SHB: variants seen among roughly 807,000 people sequenced by gnomAD.
SHB encodes the protein SH2 domain-containing adapter protein B.
SHB carries 20 observed loss-of-function variants against 52.3 expected under a neutral mutation model. That is an observed-to-expected ratio of 0.38 (90% confidence interval 0.27 to 0.56). The LOEUF (loss-of-function observed/expected upper bound fraction) is 0.56. SHB is among the 20% of genes least tolerant of loss of function. The pLI is 0.71. For missense variants in SHB, 825 were observed against 723.3 expected (o/e 1.14, Z -1.61); for synonymous variants, 397 against 316.5 (o/e 1.25, Z -2.70).
At chr9:37,932,662 A>G (rs1832327116) in intron 5 of SHB, among the ~76,000 whole-genome samples, 1 of 151,972 alleles carries the variant, frequency 6.6e-6, no homozygotes, top group South Asian at 2.1e-4. Context: ...CCCAGGCTGG[A>G]GAGCAGTGGT....
rs373553894 is a variant in SHB, at chr9:38,015,496, G to C, written c.838+515C>G. The C allele has an allele frequency of 3.5e-4, 246 of 701,084 alleles. 2 individuals are homozygous for C. The highest frequency in any genetic ancestry group is 3.4e-3 in the South Asian group (228 of 66,946). 43.4% of individuals were successfully genotyped at this position (701,084 alleles called of 1,614,324 possible). Reference sequence around the variant, plus strand: ...TCCTGTAAACCTGTCATGTAGACCAGGGTTATTTATGCTGCTTCCAGCTCC... The same window carrying C: ...TCCTGTAAACCTGTCATGTAGACCACGGTTATTTATGCTGCTTCCAGCTCC... On this transcript the variant is annotated intron_variant, in intron 2 of 5. Transcript: ENST00000377707.
chr9:38,043,956 G>A (rs934920786), intron 1 of SHB, among the ~76,000 whole-genome samples: 1 of 152,202 alleles, frequency 6.6e-6, no homozygotes, highest in African/African-American at 2.4e-5. Context: ...AGAAAGCTCA[G>A]GGCCAGGCCT....
intron 1 of SHB, among the ~76,000 whole-genome samples, chr9:38,038,908 A>T (rs1035599675): frequency 9.9e-5 from 15 of 152,240 alleles, no homozygotes; most frequent in Non-Finnish European, 1.6e-4. Flanking sequence ...TGTGCCAAAG[A>T]GAACAAAGGC....
chr9:37,990,249 G>A (rs928015629), intron 2 of SHB, among the ~76,000 whole-genome samples: 3 of 151,996 alleles, frequency 2.0e-5, no homozygotes, highest in Non-Finnish European at 2.9e-5. Flanking sequence ...AACTGTCAAG[G>A]GTGTTGGAGG....
chr9:37,929,815 A>G (rs1385546313), intron 5 of SHB, among the ~76,000 whole-genome samples: 1 of 152,226 alleles, frequency 6.6e-6, no homozygotes, highest in African/African-American at 2.4e-5. Context: ...ATGAAAAGAG[A>G]AAAGGAAGCT....
chr9:37,948,757 G>A lies in SHB; in HGVS notation c.1227-3C>T. On this transcript the variant is annotated splice_region_variant and splice_polypyrimidine_tract_variant and intron_variant, in intron 4 of 5. Transcript: ENST00000377707. ...TGCTGATGGCTCCGTGATACCATCT[G>A]TGGAGAGGGCAGAGAGTGGTCAGAG... 1.2e-6 allele frequency: 2 copies of A among 1,613,700 alleles called. No individual in the cohort carries two copies. The highest frequency in any genetic ancestry group is 1.1e-5 in the South Asian group (1 of 91,082).
chr9:38,037,747 C>T (rs917527602), intron 1 of SHB, among the ~76,000 whole-genome samples: 1 of 152,166 alleles, frequency 6.6e-6, no homozygotes, highest in Non-Finnish European at 1.5e-5. Context: ...TCTGTCTGCT[C>T]CTCCATTCAG....
chr9:38,039,265 T>C (rs955674146), intron 1 of SHB, among the ~76,000 whole-genome samples: 2 of 152,218 alleles, frequency 1.3e-5, no homozygotes, highest in Non-Finnish European at 2.9e-5. Flanking sequence ...CTTTTCTGAT[T>C]AATCATTAAA....
intron 1 of SHB, among the ~76,000 whole-genome samples, chr9:38,062,484 C>A (rs1368118524): frequency 6.6e-6 from 1 of 152,172 alleles, no homozygotes; most frequent in Non-Finnish European, 1.5e-5. Context: ...CAGTTTCCAA[C>A]CTCAAGAGAC....
chr9:38,051,865 A>C (rs1821755201), intron 1 of SHB, among the ~76,000 whole-genome samples: 1 of 152,196 alleles, frequency 6.6e-6, no homozygotes, highest in African/African-American at 2.4e-5. Flanking sequence ...TGAGCCCAGC[A>C]AACATCTTCA....
chr9:37,924,295 G>A (rs540288334), intron 5 of SHB, among the ~76,000 whole-genome samples: 6 of 152,264 alleles, frequency 3.9e-5, no homozygotes, highest in African/African-American at 9.6e-5. Flanking sequence ...GCGCAATCAC[G>A]GGCTTTAATA....
chr9:37,947,783 C>T lies in SHB; in HGVS notation c.1346+852G>A, dbSNP rs140097071. On this transcript the variant is annotated intron_variant, in intron 5 of 5. Transcript: ENST00000377707. ...CTCTCCCTCCCATGGCCTCTAACAG[C>T]GGTAAGTGGGACAGAGAGGATGCCA... Among the ~76,000 whole-genome samples the T allele has an allele frequency of 5.8e-4, 88 of 152,324 alleles. 3 individuals are homozygous for T. The East Asian group carries it at 0.016, about 28-fold the overall frequency.
intron 2 of SHB, among the ~76,000 whole-genome samples, chr9:37,978,306 G>A (rs1166871865): frequency 6.6e-6 from 1 of 152,180 alleles, no homozygotes; most frequent in African/African-American, 2.4e-5. Flanking sequence ...TACCAAAGCT[G>A]GACTAGTAAT....
intron 2 of SHB, among the ~76,000 whole-genome samples, chr9:38,010,867 C>T (rs978355157): frequency 1.3e-5 from 2 of 152,256 alleles, no homozygotes; most frequent in Non-Finnish European, 2.9e-5. Flanking sequence ...AGGGTGCAAC[C>T]TACTTCCAGG....
intron 3 of SHB, among the ~76,000 whole-genome samples, chr9:37,963,016 G>T (rs889453590): frequency 6.6e-6 from 1 of 152,208 alleles, no homozygotes; most frequent in Non-Finnish European, 1.5e-5. Flanking sequence ...GGGTCCCAGC[G>T]CTAGCCCTTG....
At chr9:37,963,207 G>A (rs955423030) in intron 3 of SHB, among the ~76,000 whole-genome samples, 5 of 152,188 alleles carry the variant, frequency 3.3e-5, no homozygotes, top group Non-Finnish European at 5.9e-5. Context: ...GAACTGGAAC[G>A]GAGCAACAGG....
At chr9:38,006,308 C>T (rs1261226167) in intron 2 of SHB, among the ~76,000 whole-genome samples, 1 of 152,216 alleles carries the variant, frequency 6.6e-6, no homozygotes, top group African/African-American at 2.4e-5. Context: ...CCATCCCACA[C>T]TCCCAGGCGG....
At chr9:37,991,876 C>T (rs1171996237) in intron 2 of SHB, among the ~76,000 whole-genome samples, 1 of 152,190 alleles carries the variant, frequency 6.6e-6, no homozygotes, top group Non-Finnish European at 1.5e-5. Context: ...GAAGAGGCTA[C>T]GCCTCACTGA....
chr9:37,928,009 C>T (rs1006535863), intron 5 of SHB, among the ~76,000 whole-genome samples: 1 of 150,738 alleles, frequency 6.6e-6, no homozygotes, highest in Non-Finnish European at 1.5e-5. Flanking sequence ...GCCTGTGTGT[C>T]GGAAATTATT....
Sources: allele counts gnomAD v4.1 joint callset (sites outside exome capture counted in the v4.1 genomes callset), GRCh38; gene constraint gnomAD v4.1.1; transcripts MANE v1.5; gene names NCBI Gene and HGNC (gene_info 2026-07-23, HGNC 2026-07-21).